PTPRZ1: variants seen among roughly 807,000 people sequenced by gnomAD.
The protein encoded by PTPRZ1 is receptor-type tyrosine-protein phosphatase zeta.
Under a neutral mutation model 214.1 loss-of-function variants are expected in PTPRZ1, and 82 were observed. That is an observed-to-expected ratio of 0.38 (90% CI 0.32 to 0.46). The LOEUF is 0.46. Among genes scored for constraint, PTPRZ1 ranks in the 20% least tolerant of loss-of-function variants. The probability of loss-of-function intolerance (pLI) is 1.00; values close to 1 mark genes in which losing one functional copy is unlikely to be tolerated. For missense variants in PTPRZ1, 2,603 were observed against 2,748.7 expected, an observed-to-expected ratio of 0.95 and a Z score of 1.19; for synonymous variants, 945 against 987.9, an observed-to-expected ratio of 0.96 and a Z score of 0.81.
rs1349863970 is a variant in PTPRZ1 at position 122,034,696 on chromosome 7, A to G, written c.5284+318A>G. Among the ~76,000 whole-genome samples the G allele has an allele frequency of 2.6e-5, 4 of 151,978 alleles. No homozygotes were observed. In the East Asian group the frequency reaches 5.8e-4, roughly 22 times the overall value. On this transcript the variant is annotated intron_variant, in intron 17 of 29. Transcript: ENST00000393386. ...GTCATTATTTATATGACTTGGTCCT[A>G]TTTTCACCTAGGATTTGCTTACTCT...
At chr7:121,999,671 T>C (rs189510498) in intron 10 of PTPRZ1, among the ~76,000 whole-genome samples, 151 of 152,322 alleles carry the variant, frequency 9.9e-4, no homozygotes, top group Non-Finnish European at 1.8e-3. Flanking sequence ...TTTTACACTG[T>C]TTCCTATTTT....
intron 23 of PTPRZ1, among the ~76,000 whole-genome samples, chr7:122,049,617 G>C (rs1011393616): frequency 3.7e-4 from 57 of 152,022 alleles, no homozygotes; most frequent in African/African-American, 1.2e-3. Context: ...AGTAAATATA[G>C]AGAAATTTAT....
At chr7:121,943,845 A>C (rs541113715) in intron 2 of PTPRZ1, among the ~76,000 whole-genome samples, 44 of 152,218 alleles carry the variant, frequency 2.9e-4, no homozygotes, top group Admixed American at 9.8e-4. Flanking sequence ...CAGTGTCTAG[A>C]CTCTAGGTCA....
chr7:121,931,119 T>A (rs1214396548), intron 2 of PTPRZ1, among the ~76,000 whole-genome samples: 1 of 152,204 alleles, frequency 6.6e-6, no homozygotes, highest in Non-Finnish European at 1.5e-5. Flanking sequence ...AAGTTCTACA[T>A]GTTTGGGCCT....
rs752811524 is a variant in PTPRZ1 at position 122,054,995 on chromosome 7, A to C, written c.6436A>C (p.Ser2146Arg). 12 of 1,608,092 alleles carry C rather than the reference A, an allele frequency of 7.5e-6. No homozygotes were observed. The highest frequency in any genetic ancestry group is 9.3e-6 in the Non-Finnish European group (11 of 1,176,604). The change falls in exon 27 of 30, where the codon AGC (serine) becomes CGC (arginine). Residue 2146 changes from serine to arginine, a missense_variant. Physicochemically the swap from Ser to Arg is moderately radical, Grantham distance 110. Coordinates refer to ENST00000393386, the MANE Select transcript of PTPRZ1 (RefSeq NM_002851.3). ...TAAAGATGAGCCTATAAATTGTGAG[A>C]GCTTTAAGGTCACTCTTATGGCTGA... ...PNKDEPINCE[S>R]FKVTLMAEEH...
chr7:121,981,621 C>T (rs1259443883), intron 6 of PTPRZ1, among the ~76,000 whole-genome samples: 4 of 152,216 alleles, frequency 2.6e-5, no homozygotes, highest in Non-Finnish European at 5.9e-5. Flanking sequence ...TGGACAGATA[C>T]AAATGAGACT....
intron 13 of PTPRZ1, among the ~76,000 whole-genome samples, chr7:122,023,513 TTATATATAATTATA>T (rs1461836800): frequency 9.1e-6 from 1 of 110,140 alleles, no homozygotes; most frequent in African/African-American, 4.5e-5. Flanking sequence ...ATGTATAATT[TTATATATAATTATA>T]TATATATAAT....
chr7:121,933,554 C>A (rs998728784), intron 2 of PTPRZ1, among the ~76,000 whole-genome samples: 1 of 152,074 alleles, frequency 6.6e-6, no homozygotes, highest in African/African-American at 2.4e-5. Flanking sequence ...GTCTGTTATA[C>A]CTCGCTGGAT....
At chr7:121,884,600 A>G (rs962027476) in intron 1 of PTPRZ1, among the ~76,000 whole-genome samples, 5 of 152,146 alleles carry the variant, frequency 3.3e-5, no homozygotes, top group Admixed American at 6.5e-5. Context: ...GCCCTCTCCA[A>G]AGGGTTTGGG....
At chr7:121,898,034 A>G (rs2116248472) in intron 1 of PTPRZ1, among the ~76,000 whole-genome samples, 1 of 152,328 alleles carries the variant, frequency 6.6e-6, no homozygotes, top group East Asian at 1.9e-4. Context: ...ACATCCTACC[A>G]AATGTAGAAT....
At chr7:121,972,897 G>A (rs1167709282) in intron 4 of PTPRZ1, among the ~76,000 whole-genome samples, 1 of 150,910 alleles carries the variant, frequency 6.6e-6, no homozygotes, top group African/African-American at 2.4e-5. Context: ...AACCCAAAGT[G>A]CCACAAAATG....
At position 122,034,297 on chromosome 7, in the gene PTPRZ1, A is replaced by G. The variant is rs1799471946; in HGVS notation, c.5203A>G (p.Thr1735Ala). ...KEFYQEVQSC[T>A]VDLGITADSS... is the part of the protein sequence containing the mutation. ...TTTTTTACAGGAAGTGCAGAGCTGT[A>G]CTGTTGACTTAGGTATTACAGCAGA... is the stretch of plus-strand genomic sequence containing the variant. The change falls in exon 17 of 30, where the codon ACT (threonine) becomes GCT (alanine). Residue 1735 changes from threonine to alanine, a missense_variant. Around this residue, in one of 6 missense-constraint regions of PTPRZ1, gnomAD observed 1,913 missense variants for 1,914.3 expected, o/e 1.00. Coordinates refer to ENST00000393386, the MANE Select transcript of PTPRZ1 (RefSeq NM_002851.3). 1.2e-6 allele frequency: 2 copies of G among 1,613,370 alleles called. No homozygotes were observed. Among genetic ancestry groups the G allele is most frequent in the Admixed American group, 1.7e-5 (1 of 59,942 alleles).
intron 14 of PTPRZ1, among the ~76,000 whole-genome samples, chr7:122,031,121 G>A (rs965797954): frequency 1.3e-5 from 2 of 152,018 alleles, no homozygotes; most frequent in African/African-American, 4.8e-5. Flanking sequence ...TTTTTTCTCA[G>A]AATTTACATG....
intron 26 of PTPRZ1, 130 bp downstream of exon 26, chr7:122,054,168 A>G (rs1792276990): frequency 1.0e-5 from 10 of 989,892 alleles, no homozygotes; most frequent in Non-Finnish European, 1.5e-5. Context: ...CATTGAAGGC[A>G]TACTCTTCTG....
At chr7:121,955,210 C>A (rs972981527) in intron 2 of PTPRZ1, among the ~76,000 whole-genome samples, 6 of 152,146 alleles carry the variant, frequency 3.9e-5, no homozygotes, top group African/African-American at 1.4e-4. Flanking sequence ...TAATAAGCAT[C>A]GAGTACAGCC....
rs555569329 is a variant in PTPRZ1 at position 122,058,513 on chromosome 7, A to T, written c.6529-287A>T. ...CCGTGCAAATACATCTTTGATACAT[A>T]GTTTCATGGTTTGTAAGCATTGGCA... On this transcript the variant is annotated intron_variant, in intron 27 of 29. Transcript: ENST00000393386. 7.2e-5 allele frequency among the ~76,000 whole-genome samples: 11 copies of T among 152,246 alleles called. No homozygotes were observed. The South Asian group carries it at 2.3e-3, about 32-fold the overall frequency.
intron 6 of PTPRZ1, among the ~76,000 whole-genome samples, chr7:121,978,761 T>G (rs753623516): frequency 3.3e-5 from 5 of 152,162 alleles, no homozygotes; most frequent in Non-Finnish European, 5.9e-5. Flanking sequence ...TTCATGCCTA[T>G]CCACTCATTC....
chr7:121,920,824 A>T (rs1025354383), intron 1 of PTPRZ1, among the ~76,000 whole-genome samples: 2 of 152,162 alleles, frequency 1.3e-5, no homozygotes, highest in African/African-American at 4.8e-5. Flanking sequence ...CAAAAAGTAG[A>T]GAATGCTTTA....
chr7:121,898,436 T>G, intron 1 of PTPRZ1, among the ~76,000 whole-genome samples: 1 of 152,338 alleles, frequency 6.6e-6, no homozygotes, highest in Middle Eastern at 3.4e-3. Flanking sequence ...ATCTGCTGTT[T>G]TGAATAGCTG....
Sources: allele counts gnomAD v4.1 joint callset (sites outside exome capture counted in the v4.1 genomes callset), GRCh38; gene constraint gnomAD v4.1.1; regional missense constraint gnomAD v4.1.1; transcripts MANE v1.5; gene names NCBI Gene and HGNC (gene_info 2026-07-23, HGNC 2026-07-21).